The following DST variants were observed in gnomAD, a reference collection of about 807,000 sequenced individuals.
The protein encoded by DST is bullous pemphigoid antigen.
Under a neutral mutation model 875.2 loss-of-function variants are expected in DST, and 253 were observed. The observed-to-expected ratio is 0.29, with a 90% CI of 0.26 to 0.32. DST has a LOEUF of 0.32. Among genes scored for constraint, DST ranks in the 10% least tolerant of loss-of-function variants. DST has a pLI of 1.00. For synonymous variants in DST, 3,124 were observed against 3,197.1 expected (o/e 0.98, Z 0.77); for missense variants, 8,287 against 9,111.6 (o/e 0.91, Z 3.68).
intron 7 of DST, among the ~76,000 whole-genome samples, chr6:56,703,230 T>C (rs910349106): frequency 6.6e-6 from 1 of 152,164 alleles, no homozygotes; most frequent in African/African-American, 2.4e-5. Flanking sequence ...CTAAAAAAAA[T>C]TTCCCTAAGT....
chr6:56,820,568 T>C (rs1055818877), intron 4 of DST, among the ~76,000 whole-genome samples: 33 of 152,208 alleles, frequency 2.2e-4, no homozygotes, highest in Non-Finnish European at 1.3e-4. Context: ...TATTGTATGA[T>C]ATAGATATGC....
At chr6:56,841,132 A>C (rs76358983) in intron 4 of DST, among the ~76,000 whole-genome samples, 1,682 of 152,296 alleles carry the variant, frequency 0.011, 40 homozygotes, top group African/African-American at 0.039. Flanking sequence ...ATCAGTCCCC[A>C]CAGCAAGTCA....
At chr6:56,635,546 C>T (rs2098816698) in intron 24 of DST, 43 bp downstream of exon 24, 1 of 1,597,486 alleles carries the variant, frequency 6.3e-7, no homozygotes, top group Non-Finnish European at 8.6e-7. Context: ...CTAATCTAAT[C>T]ACTTATGCAT....
chr6:56,735,580 T>A (rs1188268066), intron 4 of DST, among the ~76,000 whole-genome samples: 4 of 116,494 alleles, frequency 3.4e-5, no homozygotes, highest in Non-Finnish European at 7.1e-5. Context: ...ACCATGAAGT[T>A]GTCTAACGTA....
At chr6:56,843,800 C>A (rs888418027) in intron 4 of DST, 5 of 603,544 alleles carry the variant, frequency 8.3e-6, no homozygotes, top group Non-Finnish European at 1.0e-5. Flanking sequence ...GCGGTCAGCG[C>A]CCCGGCTGGC....
At chr6:56,792,667 A>G (rs1355590090) in intron 4 of DST, among the ~76,000 whole-genome samples, 2 of 152,218 alleles carry the variant, frequency 1.3e-5, no homozygotes. Context: ...ATGCTGCAAT[A>G]AGAAGTAAAC....
intron 82 of DST, among the ~76,000 whole-genome samples, chr6:56,494,915 A>G (rs2095858464): frequency 6.6e-6 from 1 of 151,972 alleles, no homozygotes; most frequent in Non-Finnish European, 1.5e-5. Context: ...CATAGTTCTC[A>G]CTGAAAGATT....
intron 50 of DST, among the ~76,000 whole-genome samples, chr6:56,576,266 C>T (rs1048031105): frequency 5.9e-5 from 9 of 152,090 alleles, no homozygotes; most frequent in Non-Finnish European, 1.0e-4. Flanking sequence ...CATCTGTATC[C>T]TTTGTAATAT....
At chr6:56,602,032 A>C in intron 43 of DST, 1 of 430,578 alleles carries the variant, frequency 2.3e-6, no homozygotes, top group Non-Finnish European at 4.5e-6. Flanking sequence ...ACTTGCTAAC[A>C]TTTACAACAT....
intron 67 of DST, 39 bp from the exon 68 acceptor site, chr6:56,527,773 A>T: frequency 1.3e-6 from 2 of 1,559,946 alleles, no homozygotes; most frequent in Non-Finnish European, 1.7e-6. Context: ...ATGAAGGAAA[A>T]AAAAGGCAGG....
rs1298720553 is a variant in DST at position 56,825,716 on chromosome 6, A to G, written c.625+25681T>C. On this transcript the variant is annotated intron_variant, in intron 4 of 103. Coordinates refer to ENST00000680361, the MANE Select transcript of DST (RefSeq NM_001374736.1). ...TTCGCAGAAAAAGAAGTTGTACTAT[A>G]TAGGACTAAAACTTCTTGATCCCTA... Among the ~76,000 whole-genome samples, 32 of 152,338 alleles carry G rather than the reference A, an allele frequency of 2.1e-4. No homozygotes were observed. In the East Asian group the frequency reaches 4.4e-3, roughly 21 times the overall value.
At chr6:56,526,603 G>A in intron 68 of DST, 36 bp from the exon 69 acceptor site, 1 of 1,584,612 alleles carries the variant, frequency 6.3e-7, no homozygotes, top group Non-Finnish European at 8.6e-7. Flanking sequence ...ACACTTAAGA[G>A]CTTCAACAGA....
intron 10 of DST, among the ~76,000 whole-genome samples, chr6:56,664,457 G>C (rs1302507684): frequency 1.3e-5 from 2 of 152,176 alleles, no homozygotes; most frequent in Non-Finnish European, 2.9e-5. Context: ...ACCTACCTCT[G>C]AGGAACAAGC....
chr6:56,737,068 C>T (rs1388350313), intron 4 of DST, among the ~76,000 whole-genome samples: 1 of 152,158 alleles, frequency 6.6e-6, no homozygotes, highest in Non-Finnish European at 1.5e-5. Context: ...GTGGCATGCA[C>T]CTGTAGTCTC....
chr6:56,761,082 G>A (rs1447952819), intron 4 of DST, among the ~76,000 whole-genome samples: 2 of 152,196 alleles, frequency 1.3e-5, no homozygotes, highest in African/African-American at 2.4e-5. Context: ...CTTACCCTGG[G>A]GGAAGCCAGT....
chr6:56,645,817 A>AG (rs762656424), intron 15 of DST, 49 bp downstream of exon 15: 60 of 1,595,246 alleles, frequency 3.8e-5, no homozygotes, highest in Non-Finnish European at 8.5e-7. Context: ...AAGAACACAA[A>AG]GGCCCCCTCC....
intron 4 of DST, among the ~76,000 whole-genome samples, chr6:56,831,286 T>G (rs1368443577): frequency 2.0e-5 from 3 of 152,206 alleles, no homozygotes; most frequent in Non-Finnish European, 4.4e-5. Context: ...GATAAAATCT[T>G]CAACTCAACA....
At chr6:56,519,395 A>G (rs2096653393) in intron 69 of DST, among the ~76,000 whole-genome samples, 2 of 152,162 alleles carry the variant, frequency 1.3e-5, no homozygotes, top group Admixed American at 6.6e-5. Context: ...TGCCATGACA[A>G]GGTCCCCAAC....
At chr6:56,847,415 T>G (rs2099808339) in intron 4 of DST, among the ~76,000 whole-genome samples, 1 of 152,248 alleles carries the variant, frequency 6.6e-6, no homozygotes. Flanking sequence ...AACCTGATTA[T>G]GCCATTCCAT....
Sources: allele counts gnomAD v4.1 joint callset (sites outside exome capture counted in the v4.1 genomes callset), GRCh38; gene constraint gnomAD v4.1.1; transcripts MANE v1.5; gene names NCBI Gene and HGNC (gene_info 2026-07-23, HGNC 2026-07-21).